ZFYVE9: variants seen among roughly 807,000 people sequenced by gnomAD.
ZFYVE9 encodes the protein zinc finger FYVE domain-containing protein 9.
Under a neutral mutation model 126.7 loss-of-function variants are expected in ZFYVE9, and 43 were observed. The observed-to-expected ratio is 0.34, with a 90% confidence interval of 0.27 to 0.44. The LOEUF (loss-of-function observed/expected upper bound fraction) is 0.44. Among genes scored for constraint, ZFYVE9 ranks in the 20% least tolerant of loss-of-function variants. ZFYVE9 has a pLI of 1.00. For synonymous variants in ZFYVE9, 521 were observed against 597.4 expected, an observed-to-expected ratio of 0.87 and a Z score of 1.87; for missense variants, 1,476 against 1,697.0, an observed-to-expected ratio of 0.87 and a Z score of 2.29.
intron 2 of ZFYVE9, among the ~76,000 whole-genome samples, chr1:52,230,179 A>C (rs931797437): frequency 6.6e-6 from 1 of 152,176 alleles, no homozygotes; most frequent in Non-Finnish European, 1.5e-5. Flanking sequence ...AGGCTCACAG[A>C]CACTTTGAAG....
chr1:52,337,888 C>G lies in ZFYVE9; in HGVS notation c.3787C>G (p.His1263Asp). The change falls in exon 16 of 19, where the codon CAC becomes GAC. Residue 1263 changes from histidine (H) to aspartate (D), a missense_variant. Transcript: ENST00000287727. The stretch of plus-strand genomic sequence containing the variant: ...GGCGGACGCGGAGGAACCCCAGGAG[C>G]ACATCCACATCCAGTGGGTGGATGA... ...GKADAEEPQE[H>D]IHIQWVDDDK... The G allele has an allele frequency of 6.2e-7, 1 of 1,614,202 alleles. No individual in the cohort carries two copies. Among genetic ancestry groups the G allele is most frequent in the Non-Finnish European group, 8.5e-7 (1 of 1,180,038 alleles).
At chr1:52,257,474 A>G (rs1301966593) in intron 4 of ZFYVE9, among the ~76,000 whole-genome samples, 1 of 152,182 alleles carries the variant, frequency 6.6e-6, no homozygotes, top group Non-Finnish European at 1.5e-5. Flanking sequence ...TAGCTGGAAC[A>G]TCGTATAGAA....
At chr1:52,232,601 G>C (rs183121260) in intron 2 of ZFYVE9, among the ~76,000 whole-genome samples, 1 of 152,060 alleles carries the variant, frequency 6.6e-6, no homozygotes. Flanking sequence ...GGTGGTGCTT[G>C]CCTGTAATCC....
intron 10 of ZFYVE9, among the ~76,000 whole-genome samples, chr1:52,286,422 A>G (rs1283720483): frequency 6.6e-6 from 1 of 152,202 alleles, no homozygotes; most frequent in Admixed American, 6.5e-5. Flanking sequence ...ATGTGTGTGT[A>G]TCTGTGTTTC....
At chr1:52,277,728 A>G (rs982076326) in intron 8 of ZFYVE9, among the ~76,000 whole-genome samples, 15 of 152,178 alleles carry the variant, frequency 9.9e-5, no homozygotes, top group Non-Finnish European at 2.2e-4. Context: ...CCATATCTCT[A>G]GGTTCTACAG....
chr1:52,216,345 A>C, intron 1 of ZFYVE9, 24 bp from the exon 2 acceptor site: 1 of 398,430 alleles, frequency 2.5e-6, no homozygotes, highest in East Asian at 3.6e-5. Context: ...AGCAAGTGTA[A>C]TGAGCAATGT....
chr1:52,275,290 T>G (rs1645734508), intron 8 of ZFYVE9, among the ~76,000 whole-genome samples: 1 of 152,188 alleles, frequency 6.6e-6, no homozygotes, highest in Admixed American at 6.5e-5. Context: ...AGTCAGCCAC[T>G]GATGGGCAGT....
intron 1 of ZFYVE9, among the ~76,000 whole-genome samples, chr1:52,211,833 G>A (rs1297920037): frequency 6.6e-6 from 1 of 152,096 alleles, no homozygotes. Flanking sequence ...CTATGGCCAG[G>A]ATTTTGGAAA....
In ZFYVE9 at chr1:52,263,758, C is replaced by CCT. The variant is rs760586396; in HGVS notation, c.2179-14_2179-13insTC. On this transcript the variant is annotated splice_polypyrimidine_tract_variant and intron_variant, in intron 4 of 18. Transcript: ENST00000287727. ...AAGTAAATTTTGTGTGTTCTTCCCC[C>CCT]CCCCCCCCCCACAGGTTTTCTGTGC... 7.3e-6 allele frequency: 5 copies of CCT among 686,030 alleles called. No homozygotes were observed. Among genetic ancestry groups the CCT allele is most frequent in the Admixed American group, 2.7e-5 (1 of 37,458 alleles). 42.5% of individuals were successfully genotyped at this position (686,030 alleles called of 1,614,324 possible).
chr1:52,320,020 A>G (rs1479009527), intron 13 of ZFYVE9, among the ~76,000 whole-genome samples: 3 of 150,464 alleles, frequency 2.0e-5, no homozygotes, highest in Non-Finnish European at 3.0e-5. Flanking sequence ...TGTCTCAAAA[A>G]AAAAAAAAAA....
At chr1:52,259,227 A>G (rs1460931355) in intron 4 of ZFYVE9, among the ~76,000 whole-genome samples, 1 of 151,972 alleles carries the variant, frequency 6.6e-6, no homozygotes, top group Admixed American at 6.6e-5. Flanking sequence ...CCTCTTTTAT[A>G]AGGGTATCAG....
At chr1:52,281,325 G>A (rs1569662421) in intron 9 of ZFYVE9, among the ~76,000 whole-genome samples, 1 of 151,900 alleles carries the variant, frequency 6.6e-6, no homozygotes, top group South Asian at 2.1e-4. Flanking sequence ...AGTAGAGACG[G>A]GGTTTCACCG....
rs145135756 is a variant in ZFYVE9, at chr1:52,200,766, T to C, written c.-142-15603T>C. The stretch of plus-strand genomic sequence containing the variant: ...CCATTTGTAAAAATACTATCTCTGA[T>C]CCATTGTATTGCTTTTGCTTTTTTG... On this transcript the variant is annotated intron_variant, in intron 1 of 18. Transcript: ENST00000287727. Among the ~76,000 whole-genome samples, 34 of 152,338 alleles carry C rather than the reference T, an allele frequency of 2.2e-4. No individual in the cohort carries two copies. The East Asian group carries it at 6.4e-3, about 28-fold the overall frequency.
chr1:52,275,903 AT>A (rs34282653), intron 8 of ZFYVE9, among the ~76,000 whole-genome samples: 2,266 of 115,648 alleles, frequency 0.02, 12 homozygotes, highest in African/African-American at 0.075. Flanking sequence ...TTAGCAAGCA[AT>A]TTTTTTTTTT....
intron 2 of ZFYVE9, among the ~76,000 whole-genome samples, chr1:52,216,889 A>C (rs1054233789): frequency 2.6e-5 from 4 of 152,216 alleles, no homozygotes; most frequent in Non-Finnish European, 4.4e-5. Flanking sequence ...GTTATTATGT[A>C]GAGCAATAAT....
intron 1 of ZFYVE9, among the ~76,000 whole-genome samples, chr1:52,157,610 G>T (rs1274267744): frequency 1.3e-5 from 2 of 151,364 alleles, no homozygotes; most frequent in African/African-American, 4.9e-5. Flanking sequence ...CACTATGTTG[G>T]CCAGGCTGGT....
rs896445669 is a variant in ZFYVE9 at position 52,181,987 on chromosome 1, C to G, written c.-142-34382C>G. On this transcript the variant is annotated intron_variant, in intron 1 of 18. Transcript: ENST00000287727. Reference sequence around the variant, plus strand: ...CACCGCCAGGCCAGCCGCCCCGTCCCGGAGGGAGGCGAGGGGGTCAGCCCA... The same window carrying G: ...CACCGCCAGGCCAGCCGCCCCGTCCGGGAGGGAGGCGAGGGGGTCAGCCCA... 8.3e-4 allele frequency among the ~76,000 whole-genome samples: 125 copies of G among 150,842 alleles called. No individual in the cohort carries two copies. In the East Asian group the frequency reaches 0.012, roughly 14 times the overall value.
intron 1 of ZFYVE9, among the ~76,000 whole-genome samples, chr1:52,154,282 C>T (rs901985893): frequency 2.0e-5 from 3 of 152,210 alleles, no homozygotes; most frequent in African/African-American, 7.2e-5. Context: ...GTGTAGTCAG[C>T]TTACCACTTA....
chr1:52,253,597 G>A (rs1645473455), intron 4 of ZFYVE9: 1 of 1,110,340 alleles, frequency 9.0e-7, no homozygotes, highest in Non-Finnish European at 1.4e-6. Context: ...CTGAGTTTTG[G>A]CAAGCAGCCA....
Sources: allele counts gnomAD v4.1 joint callset (sites outside exome capture counted in the v4.1 genomes callset), GRCh38; gene constraint gnomAD v4.1.1; transcripts MANE v1.5; gene names NCBI Gene and HGNC (gene_info 2026-07-23, HGNC 2026-07-21).